The following SLIT2 variants were observed in gnomAD, a reference collection of about 807,000 sequenced individuals.
SLIT2 encodes the protein slit guidance ligand 2, also known as slit homolog 2 protein.
SLIT2 carries 41 observed loss-of-function variants against 185.7 expected under a neutral mutation model. The observed-to-expected ratio is 0.22, with a 90% confidence interval of 0.17 to 0.29. The LOEUF (loss-of-function observed/expected upper bound fraction) is 0.29. SLIT2 is among the 10% of genes least tolerant of loss of function. The probability of loss-of-function intolerance (pLI) is 1.00; values close to 1 mark genes in which losing one functional copy is unlikely to be tolerated. For synonymous variants in SLIT2, 693 were observed against 680.2 expected (o/e 1.02, Z -0.29); for missense variants, 1,571 against 1,909.0 (o/e 0.82, Z 3.30).
chr4:20,503,157 A>C (rs1718890886), intron 9 of SLIT2, among the ~76,000 whole-genome samples: 1 of 152,198 alleles, frequency 6.6e-6, no homozygotes, highest in Non-Finnish European at 1.5e-5. Flanking sequence ...ATTGATGATT[A>C]ATCAGCTAGA....
intron 4 of SLIT2, among the ~76,000 whole-genome samples, chr4:20,339,402 T>G (rs967819698): frequency 2.0e-5 from 3 of 152,058 alleles, no homozygotes; most frequent in Non-Finnish European, 4.4e-5. Flanking sequence ...TTCCAGATAC[T>G]CAGAATTTAA....
At chr4:20,340,566 T>C (rs1322145610) in intron 4 of SLIT2, among the ~76,000 whole-genome samples, 7 of 152,050 alleles carry the variant, frequency 4.6e-5, no homozygotes, top group African/African-American at 1.7e-4. Flanking sequence ...CCAGAAGAGA[T>C]AGACAAAAAC....
At chr4:20,372,812 G>A (rs902181249) in intron 4 of SLIT2, among the ~76,000 whole-genome samples, 8 of 151,956 alleles carry the variant, frequency 5.3e-5, no homozygotes, top group African/African-American at 1.9e-4. Flanking sequence ...TTTGTCTCTA[G>A]GGCTTGAAAA....
rs576137379 is a variant in SLIT2 at position 20,528,423 on chromosome 4, G to A, written c.1463-526G>A. 1.2e-5 allele frequency: 6 copies of A among 505,180 alleles called. No homozygotes were observed. Among genetic ancestry groups the A allele is most frequent in the Non-Finnish European group, 2.1e-5 (5 of 243,310 alleles). 31.3% of individuals were successfully genotyped at this position (505,180 alleles called of 1,614,324 possible). ...CTGAGGCTTAAATCAGGATTTTCCT[G>A]TCTCTTTCTACAAAATCAAAATGAA... is the stretch of plus-strand genomic sequence containing the variant. On this transcript the variant is annotated intron_variant, in intron 15 of 36. Transcript: ENST00000504154. This position sits in a 1 kb window ranked among gnomAD's most constrained non-coding sequence, Gnocchi z 4.2.
chr4:20,262,605 A>G (rs1712593899), intron 3 of SLIT2, among the ~76,000 whole-genome samples: 1 of 151,896 alleles, frequency 6.6e-6, no homozygotes, highest in Non-Finnish European at 1.5e-5. Context: ...ACAAGTTTAA[A>G]ATCATGGCAG....
At chr4:20,486,955 G>A (rs1311055960) in intron 7 of SLIT2, among the ~76,000 whole-genome samples, 12 of 151,656 alleles carry the variant, frequency 7.9e-5, no homozygotes, top group East Asian at 3.9e-4. Flanking sequence ...TACATATAAC[G>A]TGTAGGACAT....
intron 4 of SLIT2, among the ~76,000 whole-genome samples, chr4:20,280,601 G>A (rs1469372919): frequency 6.6e-6 from 1 of 152,018 alleles, no homozygotes; most frequent in East Asian, 1.9e-4. Flanking sequence ...GGGAAAGGAA[G>A]GAGATCAAAA....
intron 26 of SLIT2, among the ~76,000 whole-genome samples, chr4:20,560,830 A>G (rs936149592): frequency 1.3e-5 from 2 of 151,916 alleles, no homozygotes; most frequent in African/African-American, 4.8e-5. Flanking sequence ...TAATTAAACA[A>G]ATATTATTCA....
At chr4:20,350,984 A>G (rs146218213) in intron 4 of SLIT2, among the ~76,000 whole-genome samples, 26 of 152,296 alleles carry the variant, frequency 1.7e-4, no homozygotes, top group Non-Finnish European at 3.1e-4. Flanking sequence ...CATTGTTCAC[A>G]GTAGATCTGG....
At chr4:20,594,023 T>C (rs529149977) in intron 30 of SLIT2, among the ~76,000 whole-genome samples, 52 of 149,638 alleles carry the variant, frequency 3.5e-4, no homozygotes, top group African/African-American at 1.3e-3. Flanking sequence ...TGTATGTGTG[T>C]ATATATGTGT....
chr4:20,358,742 T>A (rs528384270), intron 4 of SLIT2, among the ~76,000 whole-genome samples: 2 of 152,272 alleles, frequency 1.3e-5, no homozygotes, highest in African/African-American at 4.8e-5. Context: ...ACTTTCCCAT[T>A]GGACATTTAA....
At chr4:20,519,490 T>C (rs756588001) in intron 12 of SLIT2, 37 bp downstream of exon 12, 35 of 1,204,604 alleles carry the variant, frequency 2.9e-5, no homozygotes, top group Non-Finnish European at 4.0e-5. Context: ...TCGAGCCTAA[T>C]AATATATATT....
chr4:20,311,001 C>T (rs964616866), intron 4 of SLIT2, among the ~76,000 whole-genome samples: 5 of 152,220 alleles, frequency 3.3e-5, no homozygotes, highest in African/African-American at 1.2e-4. Flanking sequence ...CCTCCTGCCT[C>T]AGCCTTCCTA....
At position 20,252,339 on chromosome 4, in the gene SLIT2, G is replaced by A. The variant is rs1311314346; in HGVS notation, c.-1477G>A. Reference sequence around the variant, plus strand: ...CACCGAGTCCCCGCTCTGAGTCGTCGCCCTCCCTCTCCCCGACCTCGCTCC... The same window carrying A: ...CACCGAGTCCCCGCTCTGAGTCGTCACCCTCCCTCTCCCCGACCTCGCTCC... On this transcript the variant is annotated 5_prime_UTR_variant, in exon 1 of 37. Coordinates refer to ENST00000504154, the MANE Select transcript of SLIT2 (RefSeq NM_004787.4). Among the ~76,000 whole-genome samples, 1 of 152,106 alleles carries A rather than the reference G, an allele frequency of 6.6e-6. No homozygotes were observed. The highest frequency in any genetic ancestry group is 1.5e-5 in the Non-Finnish European group (1 of 68,016).
intron 4 of SLIT2, among the ~76,000 whole-genome samples, chr4:20,335,569 T>A (rs1253101478): frequency 6.6e-6 from 1 of 152,122 alleles, no homozygotes; most frequent in Admixed American, 6.6e-5. Flanking sequence ...GTTTTGAAGT[T>A]GGAGCACAAG....
At chr4:20,538,741 A>T (rs1402661096) in intron 18 of SLIT2, among the ~76,000 whole-genome samples, 1 of 151,884 alleles carries the variant, frequency 6.6e-6, no homozygotes, top group Non-Finnish European at 1.5e-5. Context: ...AGCAGTAACA[A>T]GGAAATGACA....
chr4:20,539,625 T>A, intron 19 of SLIT2, 41 bp downstream of exon 19: 1 of 1,350,008 alleles, frequency 7.4e-7, no homozygotes, highest in Non-Finnish European at 1.0e-6. Context: ...CTTGAGCCAT[T>A]TATTATATTT....
At chr4:20,342,306 A>G (rs1721022610) in intron 4 of SLIT2, among the ~76,000 whole-genome samples, 1 of 152,218 alleles carries the variant, frequency 6.6e-6, no homozygotes, top group African/African-American at 2.4e-5. Context: ...TAATAAAAAT[A>G]AAAGTAAATT....
At chr4:20,474,913 C>A (rs952289200) in intron 5 of SLIT2, among the ~76,000 whole-genome samples, 1 of 151,738 alleles carries the variant, frequency 6.6e-6, no homozygotes, top group African/African-American at 2.4e-5. Context: ...GGGAATAGAG[C>A]AGAATGTTGC....
Sources: allele counts gnomAD v4.1 joint callset (sites outside exome capture counted in the v4.1 genomes callset), GRCh38; gene constraint gnomAD v4.1.1; non-coding constraint Gnocchi (gnomAD v3.1); transcripts MANE v1.5; gene names NCBI Gene and HGNC (gene_info 2026-07-23, HGNC 2026-07-21).